Variants in ZNF146 observed in about 807,000 individuals in gnomAD.
The protein encoded by ZNF146 is zinc finger protein 146.
A neutral mutation model predicts 22.2 loss-of-function variants in ZNF146; 9 were observed. The observed-to-expected ratio is 0.41, with a 90% confidence interval of 0.24 to 0.71. ZNF146 has a LOEUF of 0.71. Ranked by LOEUF, ZNF146 falls within the 30% of genes least tolerant of loss-of-function variation. The pLI is 0.34. For synonymous variants in ZNF146, 108 were observed against 119.2 expected (o/e 0.91, Z 0.61); for missense variants, 194 against 344.8 (o/e 0.56, Z 3.46).
At chr19:36,232,731 C>G (rs1977441170) in intron 3 of ZNF146, among the ~76,000 whole-genome samples, 1 of 151,484 alleles carries the variant, frequency 6.6e-6, no homozygotes, top group African/African-American at 2.4e-5. Flanking sequence ...GTCTCAGCCT[C>G]TTGAGTAGCT....
chr19:36,223,337 C>T (rs572415973), intron 2 of ZNF146, among the ~76,000 whole-genome samples: 120 of 140,248 alleles, frequency 8.6e-4, no homozygotes, highest in Non-Finnish European at 1.4e-3. Flanking sequence ...AGTGAGACTC[C>T]GTCTCAAAAA....
intron 3 of ZNF146, among the ~76,000 whole-genome samples, chr19:36,235,029 C>G (rs1315949896): frequency 1.3e-5 from 2 of 151,812 alleles, no homozygotes; most frequent in East Asian, 3.9e-4. Flanking sequence ...GTTGGTTGAT[C>G]TATTCCTTTT....
chr19:36,223,605 C>T (rs904317723), intron 2 of ZNF146, among the ~76,000 whole-genome samples: 10 of 152,086 alleles, frequency 6.6e-5, no homozygotes, highest in African/African-American at 2.2e-4. Flanking sequence ...CCTCGTGATC[C>T]GCCCGCCTCG....
intron 3 of ZNF146, among the ~76,000 whole-genome samples, chr19:36,231,799 A>C (rs376557913): frequency 6.6e-6 from 1 of 152,160 alleles, no homozygotes; most frequent in Admixed American, 6.6e-5. Context: ...AATAGAGAAC[A>C]AAGGGCCAGG....
intron 3 of ZNF146, among the ~76,000 whole-genome samples, chr19:36,233,893 C>T (rs1977515602): frequency 6.6e-6 from 1 of 150,790 alleles, no homozygotes; most frequent in Non-Finnish European, 1.5e-5. Context: ...TTTACTAATC[C>T]TCCTCAGCAC....
chr19:36,215,967 G>A (rs148320429), intron 1 of ZNF146, among the ~76,000 whole-genome samples: 17 of 152,246 alleles, frequency 1.1e-4, no homozygotes, highest in South Asian at 1.0e-3. Flanking sequence ...GGCGTTCTCA[G>A]GTTGTATGGA....
At chr19:36,225,910 A>ACCAC (rs1274518556) in intron 2 of ZNF146, among the ~76,000 whole-genome samples, 1 of 151,682 alleles carries the variant, frequency 6.6e-6, no homozygotes, top group Non-Finnish European at 1.5e-5. Context: ...ACAGGCATGT[A>ACCAC]CCACCCCACA....
At chr19:36,229,009 A>G (rs113141990) in intron 3 of ZNF146, among the ~76,000 whole-genome samples, 190 bp downstream of exon 3, 1 of 152,182 alleles carries the variant, frequency 6.6e-6, no homozygotes, top group Non-Finnish European at 1.5e-5. Flanking sequence ...ACCAGATTCT[A>G]GAGGGGCCAG....
intron 1 of ZNF146, among the ~76,000 whole-genome samples, chr19:36,217,389 G>A (rs1213321982): frequency 1.3e-5 from 2 of 151,816 alleles, no homozygotes; most frequent in African/African-American, 4.8e-5. Context: ...AGAAAGAAAG[G>A]AGAGAGAGAG....
chr19:36,220,056 T>C (rs1976769383), intron 2 of ZNF146, among the ~76,000 whole-genome samples: 1 of 152,340 alleles, frequency 6.6e-6, no homozygotes, highest in East Asian at 1.9e-4. Flanking sequence ...TCATTTTGGC[T>C]GACATCATTG....
intron 2 of ZNF146, among the ~76,000 whole-genome samples, chr19:36,218,969 C>T (rs920912365): frequency 6.0e-5 from 9 of 149,258 alleles, no homozygotes; most frequent in African/African-American, 1.5e-4. Context: ...CCACCACGTC[C>T]GGCTAATTTT....
intron 3 of ZNF146, among the ~76,000 whole-genome samples, chr19:36,229,845 G>A (rs1431884034): frequency 1.3e-5 from 2 of 152,156 alleles, no homozygotes; most frequent in Non-Finnish European, 2.9e-5. Context: ...TCAGGCTCCC[G>A]AGTAGCTGGG....
intron 3 of ZNF146, among the ~76,000 whole-genome samples, chr19:36,231,876 G>C (rs1304319780): frequency 1.3e-5 from 2 of 151,526 alleles, no homozygotes; most frequent in African/African-American, 2.4e-5. Flanking sequence ...GACCAGCCTG[G>C]GCAGCGTGTT....
intron 2 of ZNF146, among the ~76,000 whole-genome samples, chr19:36,227,728 A>G (rs1367879490): frequency 1.3e-5 from 2 of 151,990 alleles, no homozygotes; most frequent in Admixed American, 6.6e-5. Flanking sequence ...CTAATTTTGT[A>G]TTTTTATAAG....
chr19:36,236,842 A>G lies in ZNF146; in HGVS notation c.402A>G (p.Gly134=), dbSNP rs1977661269. Residue 134 remains glycine, a synonymous_variant, in exon 4 of 4, where the codon GGA becomes GGG. Transcript: ENST00000443387. Reference sequence around the variant, plus strand: ...AGCCCTTTGTATGTAAGGAGTGTGGAAAAACCTTCAGTGGCAAATCCAACC... The same window carrying G: ...AGCCCTTTGTATGTAAGGAGTGTGGGAAAACCTTCAGTGGCAAATCCAACC... ...GEKPFVCKEC[G]KTFSGKSNLT... The G allele has an allele frequency of 6.2e-7, 1 of 1,614,008 alleles. No homozygotes were observed. Among genetic ancestry groups the G allele is most frequent in the African/African-American group, 1.3e-5 (1 of 74,900 alleles).
chr19:36,217,051 C>CTT, intron 1 of ZNF146, among the ~76,000 whole-genome samples: 1 of 121,280 alleles, frequency 8.2e-6, no homozygotes, highest in Non-Finnish European at 1.7e-5. Context: ...CAGCCAGTCC[C>CTT]TGTCTTTTTT....
chr19:36,216,757 C>T (rs554036362), intron 1 of ZNF146, among the ~76,000 whole-genome samples: 19 of 152,206 alleles, frequency 1.2e-4, no homozygotes, highest in East Asian at 9.7e-4. Context: ...AGACAAGCTG[C>T]AAGAGCCAGT....
At chr19:36,233,178 T>G (rs1977464684) in intron 3 of ZNF146, among the ~76,000 whole-genome samples, 1 of 151,610 alleles carries the variant, frequency 6.6e-6, no homozygotes, top group South Asian at 2.1e-4. Context: ...ATGTCAGGAG[T>G]TCCAGACCAG....
At chr19:36,219,433 C>A (rs370917013) in intron 2 of ZNF146, among the ~76,000 whole-genome samples, 3 of 152,030 alleles carry the variant, frequency 2.0e-5, no homozygotes, top group South Asian at 4.1e-4. Flanking sequence ...TCATCATTAT[C>A]CGCTCCTTTG....
Sources: allele counts gnomAD v4.1 joint callset (sites outside exome capture counted in the v4.1 genomes callset), GRCh38; gene constraint gnomAD v4.1.1; transcripts MANE v1.5; gene names NCBI Gene and HGNC (gene_info 2026-07-23, HGNC 2026-07-21).